Variants in MCOLN2 observed in about 807,000 individuals in gnomAD.
MCOLN2 encodes the protein mucolipin TRP cation channel 2.
In MCOLN2, 57 loss-of-function variants were observed where a neutral mutation model predicts 67.5. That is an observed-to-expected ratio of 0.84 (90% CI 0.68 to 1.05). The LOEUF is 1.05. Among genes scored for constraint, MCOLN2 ranks in the 50% least tolerant of loss-of-function variants. The pLI is 0.00. For missense variants in MCOLN2, 620 were observed against 678.8 expected (o/e 0.91, Z 0.96); for synonymous variants, 246 against 233.3 (o/e 1.05, Z -0.50).
chr1:84,937,906 G>A, intron 10 of MCOLN2, 29 bp from the exon 11 acceptor site: 1 of 1,613,780 alleles, frequency 6.2e-7, no homozygotes, highest in Non-Finnish European at 8.5e-7. Context: ...TGGGTGAAAT[G>A]AAAAAGTAGC....
intron 1 of MCOLN2, among the ~76,000 whole-genome samples, chr1:84,984,933 C>A (rs553325034): frequency 6.6e-6 from 1 of 152,242 alleles, no homozygotes; most frequent in African/African-American, 2.4e-5. Flanking sequence ...GAGGTCGAGG[C>A]TGCAGTGAGC....
In MCOLN2 at chr1:84,926,640, C is replaced by T. The variant is rs200768372; in HGVS notation, c.*45G>A. 2.0e-6 allele frequency: 3 copies of T among 1,475,574 alleles called. No individual in the cohort carries two copies. Among genetic ancestry groups the T allele is most frequent in the Admixed American group, 1.9e-5 (1 of 52,792 alleles). 91.4% of individuals were successfully genotyped at this position (1,475,574 alleles called of 1,614,324 possible). On this transcript the variant is annotated 3_prime_UTR_variant, in exon 14 of 14. Transcript: ENST00000370608. ...AGTCATTTGGGGTTCCTCTGCTCAG[C>T]CGCTGGATAAGGATGCCTGAACTTT... is the stretch of plus-strand genomic sequence containing the variant.
intron 1 of MCOLN2, among the ~76,000 whole-genome samples, chr1:84,989,972 C>T (rs1282466441): frequency 2.0e-5 from 3 of 152,052 alleles, no homozygotes; most frequent in African/African-American, 4.8e-5. Context: ...TGGATTGGCA[C>T]TTGGGCAGTA....
At chr1:84,947,205 A>C (rs1648162403) in intron 6 of MCOLN2, 73 bp from the exon 7 acceptor site, 1 of 813,210 alleles carries the variant, frequency 1.2e-6, no homozygotes, top group Non-Finnish European at 2.1e-6. Flanking sequence ...TCTGCTTAAA[A>C]AAAAAATCAC....
chr1:84,927,183 T>C (rs1404088789), intron 13 of MCOLN2, among the ~76,000 whole-genome samples: 1 of 145,850 alleles, frequency 6.9e-6, no homozygotes, highest in Non-Finnish European at 1.5e-5. Context: ...AGCACATGTA[T>C]CCCAGAATTT....
chr1:84,974,420 A>G (rs1649895565), intron 1 of MCOLN2, among the ~76,000 whole-genome samples: 1 of 151,546 alleles, frequency 6.6e-6, no homozygotes, highest in Admixed American at 6.6e-5. Context: ...AAGAGTGGGG[A>G]GGACTTTGTC....
intron 1 of MCOLN2, among the ~76,000 whole-genome samples, chr1:84,986,724 A>G (rs992960589): frequency 3.3e-5 from 5 of 152,152 alleles, no homozygotes; most frequent in Admixed American, 3.3e-4. Flanking sequence ...GGCTAAAGAC[A>G]TGAATAGACA....
chr1:84,987,670 G>GAAA (rs1650684034), intron 1 of MCOLN2, among the ~76,000 whole-genome samples: 7 of 120,050 alleles, frequency 5.8e-5, no homozygotes, highest in East Asian at 2.9e-4. Context: ...ATGTATATAT[G>GAAA]TATATAGATA....
intron 13 of MCOLN2, among the ~76,000 whole-genome samples, chr1:84,928,768 G>A (rs376647417): frequency 9.2e-5 from 14 of 152,090 alleles, no homozygotes; most frequent in African/African-American, 3.4e-4. Context: ...TCATATCATT[G>A]TAAGTCCCAA....
At chr1:84,970,026 C>T (rs1649588415) in intron 1 of MCOLN2, among the ~76,000 whole-genome samples, 1 of 152,156 alleles carries the variant, frequency 6.6e-6, no homozygotes, top group Non-Finnish European at 1.5e-5. Flanking sequence ...GCAACATCCT[C>T]AAACATGAAC....
intron 1 of MCOLN2, among the ~76,000 whole-genome samples, chr1:84,985,762 C>T (rs1650476096): frequency 6.6e-6 from 1 of 152,132 alleles, no homozygotes; most frequent in South Asian, 2.1e-4. Flanking sequence ...TACAAGGAAA[C>T]CTACCAAACA....
At position 84,956,596 on chromosome 1, in the gene MCOLN2, TAGTC is replaced by T. The variant is rs1648808279; in HGVS notation, c.412-16_412-13del. ...TTTAGCTGATGATACTATTAAAAAA[TAGTC>T]AAGTAAAAACCACATATGACCTTTT... On this transcript the variant is annotated splice_polypyrimidine_tract_variant and intron_variant, in intron 3 of 13. Transcript: ENST00000370608. 6.4e-7 allele frequency: 1 copy of T among 1,569,322 alleles called. No individual in the cohort carries two copies. Among genetic ancestry groups the T allele is most frequent in the Non-Finnish European group, 8.6e-7 (1 of 1,165,314 alleles).
chr1:84,964,875 T>TA (rs11412400), intron 2 of MCOLN2, among the ~76,000 whole-genome samples: 53,709 of 151,832 alleles, frequency 0.35, 9,891 homozygotes, highest in African/African-American at 0.43. Context: ...GGGGAGCAGC[T>TA]AAAAAAACAG....
At chr1:84,959,682 G>C (rs1231065937) in intron 2 of MCOLN2, among the ~76,000 whole-genome samples, 2 of 152,046 alleles carry the variant, frequency 1.3e-5, no homozygotes, top group Non-Finnish European at 2.9e-5. Context: ...ACCTCCCTAA[G>C]TGATTTCTTC....
At chr1:84,965,335 A>G (rs1012508466) in intron 2 of MCOLN2, among the ~76,000 whole-genome samples, 1 of 152,220 alleles carries the variant, frequency 6.6e-6, no homozygotes, top group Admixed American at 6.5e-5. Context: ...GCATTTATAG[A>G]ATCTGTACAG....
At chr1:84,973,265 C>T (rs576045478) in intron 1 of MCOLN2, among the ~76,000 whole-genome samples, 1 of 152,190 alleles carries the variant, frequency 6.6e-6, no homozygotes, top group African/African-American at 2.4e-5. Context: ...TCACTTGAGG[C>T]CAAGAGTTCA....
chr1:84,964,219 T>C (rs1403623849), intron 2 of MCOLN2, among the ~76,000 whole-genome samples: 1 of 152,216 alleles, frequency 6.6e-6, no homozygotes, highest in Non-Finnish European at 1.5e-5. Flanking sequence ...TGGCATGTCA[T>C]ATACTGAAAA....
At chr1:84,938,197 TGATA>T (rs1647545468) in intron 9 of MCOLN2, 115 bp from the exon 10 acceptor site, 3 of 512,648 alleles carry the variant, frequency 5.9e-6, no homozygotes, top group Non-Finnish European at 9.9e-6. Context: ...TCCCTATAGG[TGATA>T]GAGTTTTTTT....
chr1:84,985,972 C>A (rs1039905624), intron 1 of MCOLN2, among the ~76,000 whole-genome samples: 3 of 152,068 alleles, frequency 2.0e-5, no homozygotes, highest in Admixed American at 1.3e-4. Flanking sequence ...CAAAAAAGAG[C>A]CTGCATAGCT....
Sources: gnomAD v4.1 joint callset for allele counts (sites outside exome capture counted in the v4.1 genomes callset) on GRCh38, gnomAD v4.1.1 for gene constraint, MANE v1.5 for transcripts, NCBI Gene and HGNC (gene_info 2026-07-23, HGNC 2026-07-21) for gene names.